The following JAKMIP1 variants were observed in gnomAD, a reference collection of about 807,000 sequenced individuals.
JAKMIP1 encodes the protein janus kinase and microtubule-interacting protein 1.
In JAKMIP1, 33 loss-of-function variants were observed where a neutral mutation model predicts 113.0. The observed-to-expected ratio is 0.29, with a 90% CI of 0.22 to 0.39. JAKMIP1 has a LOEUF of 0.39. Among genes scored for constraint, JAKMIP1 ranks in the 10% least tolerant of loss-of-function variants. The probability of loss-of-function intolerance (pLI) is 1.00; values close to 1 mark genes in which losing one functional copy is unlikely to be tolerated. For synonymous variants in JAKMIP1, 480 were observed against 459.9 expected, an observed-to-expected ratio of 1.04 and a Z score of -0.56; for missense variants, 813 against 1,080.5, an observed-to-expected ratio of 0.75 and a Z score of 3.47.
intron 2 of JAKMIP1, among the ~76,000 whole-genome samples, chr4:6,109,550 T>C (rs974513543): frequency 2.7e-4 from 41 of 152,044 alleles, no homozygotes; most frequent in African/African-American, 7.7e-4. Context: ...TCTGATGGAA[T>C]GTGCCCAGGG....
In JAKMIP1 at chr4:6,199,886, C is replaced by T. The variant is rs911111828; in HGVS notation, c.-148+367G>A. ...GCACCGGGTGGGTCCCCCTCCCGCT[C>T]CTTGGCTTGAGGGCGGAATCCGGAG... On this transcript the variant is annotated intron_variant, in intron 1 of 20. Transcript: ENST00000409021. The surrounding 1 kb of genome is among the most constrained non-coding windows in gnomAD (Gnocchi z 5.6). 6.6e-6 allele frequency among the ~76,000 whole-genome samples: 1 copy of T among 151,298 alleles called. No homozygotes were observed. The highest frequency in any genetic ancestry group is 1.5e-5 in the Non-Finnish European group (1 of 67,664).
chr4:6,071,179 G>A (rs531309247), intron 8 of JAKMIP1, among the ~76,000 whole-genome samples: 2 of 152,192 alleles, frequency 1.3e-5, no homozygotes, highest in Non-Finnish European at 2.9e-5. Context: ...ATTTAGTGCC[G>A]ACTACCCTTT....
chr4:6,036,343 C>T (rs1438930384), intron 18 of JAKMIP1, among the ~76,000 whole-genome samples: 1 of 152,168 alleles, frequency 6.6e-6, no homozygotes. Context: ...CCCTACTATG[C>T]ACAAGAGGGG....
chr4:6,042,956 C>T lies in JAKMIP1; in HGVS notation c.2029-729G>A, dbSNP rs1401983394. Among the ~76,000 whole-genome samples, 1 of 152,010 alleles carries T rather than the reference C, an allele frequency of 6.6e-6. No homozygotes were observed. The highest frequency in any genetic ancestry group is 2.4e-5 in the African/African-American group (1 of 41,386). On this transcript the variant is annotated intron_variant, in intron 16 of 20. Transcript: ENST00000409021. This position sits in a 1 kb window ranked among gnomAD's most constrained non-coding sequence, Gnocchi z 5.2. ...GGAGTGGGAGCTCTGTCCACGTTCC[C>T]TCTGGGGTCTGGGCTGGGGGTGAGC...
chr4:6,163,758 AC>A (rs542106764), intron 1 of JAKMIP1, among the ~76,000 whole-genome samples: 15 of 152,238 alleles, frequency 9.9e-5, no homozygotes, highest in Non-Finnish European at 2.1e-4. Flanking sequence ...TGGTGAACAC[AC>A]AAATAATAAG....
rs776586966 is a variant in JAKMIP1 at position 6,179,112 on chromosome 4, T to C, written c.-148+21141A>G. Among the ~76,000 whole-genome samples, 9 of 152,202 alleles carry C rather than the reference T, an allele frequency of 5.9e-5. No homozygotes were observed. The highest frequency in any genetic ancestry group is 9.7e-5 in the African/African-American group (4 of 41,450). The stretch of plus-strand genomic sequence containing the variant: ...CTAGAATGTGCTTTTCAAACCTTTG[T>C]TGCTCTTTTTCATGAAATGGTCTTA... On this transcript the variant is annotated intron_variant, in intron 1 of 20. Coordinates refer to ENST00000409021, the MANE Select transcript of JAKMIP1 (RefSeq NM_001099433.2). This position sits in a 1 kb window ranked among gnomAD's most constrained non-coding sequence, Gnocchi z 4.5.
chr4:6,132,940 A>C (rs2108940492), intron 1 of JAKMIP1, among the ~76,000 whole-genome samples: 1 of 152,316 alleles, frequency 6.6e-6, no homozygotes, highest in South Asian at 2.1e-4. Context: ...ATTAAGGGAA[A>C]TGCAAGCAGC....
Position 6,193,799 on chromosome 4 carries a change from C to G in JAKMIP1, c.-148+6454G>C, listed in dbSNP as rs188785067. 9.8e-4 allele frequency among the ~76,000 whole-genome samples: 149 copies of G among 152,198 alleles called. No homozygotes were observed. The highest frequency in any genetic ancestry group is 3.6e-3 in the African/African-American group (149 of 41,538). On this transcript the variant is annotated intron_variant, in intron 1 of 20. Coordinates refer to ENST00000409021, the MANE Select transcript of JAKMIP1 (RefSeq NM_001099433.2). The surrounding 1 kb of genome is among the most constrained non-coding windows in gnomAD (Gnocchi z 6.4). ...AGCAGGGGAGGAGAGGGTGGAAGAGCCTGCAGAATAGGACCTGAGCAGCCA... is the reference window on the plus strand; with the variant it reads ...AGCAGGGGAGGAGAGGGTGGAAGAGGCTGCAGAATAGGACCTGAGCAGCCA...
intron 16 of JAKMIP1, among the ~76,000 whole-genome samples, chr4:6,048,096 C>T (rs9992833): frequency 0.033 from 5,054 of 152,284 alleles, 284 homozygotes; most frequent in African/African-American, 0.11. Flanking sequence ...ACATAAAAAA[C>T]TCAGTATCAC....
chr4:6,089,805 C>T lies in JAKMIP1; in HGVS notation c.625-4176G>A, dbSNP rs1721791412. 6.6e-6 allele frequency among the ~76,000 whole-genome samples: 1 copy of T among 152,134 alleles called. No homozygotes were observed. Among genetic ancestry groups the T allele is most frequent in the Non-Finnish European group, 1.5e-5 (1 of 68,016 alleles). On this transcript the variant is annotated intron_variant, in intron 3 of 20. Coordinates refer to ENST00000409021, the MANE Select transcript of JAKMIP1 (RefSeq NM_001099433.2). The surrounding 1 kb of genome is among the most constrained non-coding windows in gnomAD (Gnocchi z 5.3). ...GTACCTGTAGTGGGATGAATAATGT[C>T]CCCCAAAATGTCACATCTACCCCGA...
Position 6,037,767 on chromosome 4 carries a change from T to C in JAKMIP1, c.2176-1660A>G, listed in dbSNP as rs558934756. On this transcript the variant is annotated intron_variant, in intron 18 of 20. Transcript: ENST00000409021. Reference sequence around the variant, plus strand: ...AGGCTAACTGGTAGCCCTCCATCACTGAGTCAGAGGTTAACCCAGTAGCCC... The same window carrying C: ...AGGCTAACTGGTAGCCCTCCATCACCGAGTCAGAGGTTAACCCAGTAGCCC... Among the ~76,000 whole-genome samples, 612 of 124,610 alleles carry C rather than the reference T, an allele frequency of 4.9e-3. 11 individuals are homozygous for C. Among genetic ancestry groups the C allele is most frequent in the Non-Finnish European group, 8.7e-3 (499 of 57,388 alleles). 81.7% of individuals were successfully genotyped at this position (124,610 alleles called of 152,430 possible). A position where few individuals can be genotyped will look rare whatever the true frequency, so the allele number is the denominator to read the frequency against.
rs1468335148 is a variant in JAKMIP1 at position 6,200,275 on chromosome 4, C to G, written c.-170G>C. On this transcript the variant is annotated 5_prime_UTR_variant, in exon 1 of 21. Coordinates refer to ENST00000409021, the MANE Select transcript of JAKMIP1 (RefSeq NM_001099433.2). The surrounding 1 kb of genome is among the most constrained non-coding windows in gnomAD (Gnocchi z 7.0). ...CACCTGCTCGGCGCTCAGGCCCGAGCCGGGCAGCAGCAGCGGACGTAGCGA... is the reference window on the plus strand; with the variant it reads ...CACCTGCTCGGCGCTCAGGCCCGAGGCGGGCAGCAGCAGCGGACGTAGCGA... The G allele has an allele frequency of 6.6e-6, 1 of 152,266 alleles. No homozygotes were observed. Among genetic ancestry groups the G allele is most frequent in the Non-Finnish European group, 1.5e-5 (1 of 67,944 alleles). 9.4% of individuals were successfully genotyped at this position (152,266 alleles called of 1,614,324 possible).
rs370168198 is a variant in JAKMIP1 at position 6,154,856 on chromosome 4, G to C, written c.-147-41859C>G. 2.6e-5 allele frequency among the ~76,000 whole-genome samples: 4 copies of C among 151,896 alleles called. No individual in the cohort carries two copies. Among genetic ancestry groups the C allele is most frequent in the African/African-American group, 9.7e-5 (4 of 41,348 alleles). On this transcript the variant is annotated intron_variant, in intron 1 of 20. Transcript: ENST00000409021. The surrounding 1 kb of genome is among the most constrained non-coding windows in gnomAD (Gnocchi z 4.2). The stretch of plus-strand genomic sequence containing the variant: ...CTTGGGAAGCTCCTATTCATTCCTC[G>C]AAGGCCTATTCATCCATCGCCTCCC...
chr4:6,147,654 C>T (rs1319808412), intron 1 of JAKMIP1, among the ~76,000 whole-genome samples: 1 of 152,008 alleles, frequency 6.6e-6, no homozygotes, highest in African/African-American at 2.4e-5. Context: ...CCTCTGAACA[C>T]TCACTCTCCC....
rs201275481 is a variant in JAKMIP1, at chr4:6,136,403, A to ATTCCT, written c.-147-23407_-147-23406insAGGAA. 6.6e-6 allele frequency among the ~76,000 whole-genome samples: 1 copy of ATTCCT among 151,914 alleles called. No individual in the cohort carries two copies. The highest frequency in any genetic ancestry group is 1.5e-5 in the Non-Finnish European group (1 of 67,984). On this transcript the variant is annotated intron_variant, in intron 1 of 20. Coordinates refer to ENST00000409021, the MANE Select transcript of JAKMIP1 (RefSeq NM_001099433.2). This position sits in a 1 kb window ranked among gnomAD's most constrained non-coding sequence, Gnocchi z 5.9. Reference sequence around the variant, plus strand: ...CCTAGTGATAATATCTCCCACTGGGAGCAGGAATGAAGGAAGCAAAGCCAC... The same window carrying ATTCCT: ...CCTAGTGATAATATCTCCCACTGGGATTCCTGCAGGAATGAAGGAAGCAAAGCCAC...
intron 3 of JAKMIP1, among the ~76,000 whole-genome samples, chr4:6,092,228 C>T (rs1441250072): frequency 6.6e-6 from 1 of 152,168 alleles, no homozygotes; most frequent in East Asian, 1.9e-4. Context: ...CCCGGCCAGC[C>T]CACAGCCTGC....
intron 3 of JAKMIP1, among the ~76,000 whole-genome samples, chr4:6,091,428 TC>T (rs1201521658): frequency 6.6e-6 from 1 of 152,242 alleles, no homozygotes; most frequent in East Asian, 1.9e-4. Context: ...TTTACAAGTA[TC>T]CTATTACAGA....
rs1315366529 is a variant in JAKMIP1 at position 6,106,533 on chromosome 4, C to G, written c.130-566G>C. ...AGTAGCGTGCTCCCTCTCTTTCTCC[C>G]TCTCTCCTCTCTCTCTCTCTCTCTT... On this transcript the variant is annotated intron_variant, in intron 2 of 20. Transcript: ENST00000409021. The surrounding 1 kb of genome is among the most constrained non-coding windows in gnomAD (Gnocchi z 5.9). Among the ~76,000 whole-genome samples the G allele has an allele frequency of 4.9e-5, 7 of 141,964 alleles. No homozygotes were observed. The highest frequency in any genetic ancestry group is 7.7e-5 in the Non-Finnish European group (5 of 64,996). 93.1% of individuals were successfully genotyped at this position (141,964 alleles called of 152,430 possible).
chr4:6,084,794 G>A lies in JAKMIP1; in HGVS notation c.954+52C>T, dbSNP rs1000185313. 3.9e-6 allele frequency: 6 copies of A among 1,548,098 alleles called. No individual in the cohort carries two copies. The African/African-American group carries it at 8.3e-5, about 22-fold the overall frequency. On this transcript the variant is annotated intron_variant, in intron 5 of 20. Transcript: ENST00000409021. ...TGCAGGGCATGTTTCAGGGACTCAG[G>A]GCCCCTTCCTTGCACCCTATGAGGC...
Sources: gnomAD v4.1 joint callset for allele counts (sites outside exome capture counted in the v4.1 genomes callset) on GRCh38, gnomAD v4.1.1 for gene constraint, Gnocchi (gnomAD v3.1) non-coding constraint, MANE v1.5 for transcripts, NCBI Gene and HGNC (gene_info 2026-07-23, HGNC 2026-07-21) for gene names.